SYT1: variants seen among roughly 807,000 people sequenced by gnomAD.
The protein encoded by SYT1 is synaptotagmin-1.
SYT1 carries 8 observed loss-of-function variants against 44.8 expected under a neutral mutation model. That is an observed-to-expected ratio of 0.18 (90% CI 0.10 to 0.32). The LOEUF (loss-of-function observed/expected upper bound fraction) is 0.32. SYT1 is among the 10% of genes least tolerant of loss of function. The probability of loss-of-function intolerance (pLI) is 1.00; values close to 1 mark genes in which losing one functional copy is unlikely to be tolerated. For missense variants in SYT1, 286 were observed against 509.3 expected (o/e 0.56, Z 4.22); for synonymous variants, 154 against 188.8 (o/e 0.82, Z 1.51).
At chr12:78,946,689 T>A (rs1197043363) in intron 1 of SYT1, among the ~76,000 whole-genome samples, 2 of 150,550 alleles carry the variant, frequency 1.3e-5, no homozygotes, top group African/African-American at 4.9e-5. Flanking sequence ...AGTAAGACTC[T>A]GTCAAAAAAA....
chr12:78,907,622 T>C (rs1405539710), intron 1 of SYT1, among the ~76,000 whole-genome samples: 2 of 152,036 alleles, frequency 1.3e-5, no homozygotes, highest in Non-Finnish European at 2.9e-5. Flanking sequence ...CACTAAATTC[T>C]TCTCTTATGT....
In SYT1 at chr12:79,094,978, G is replaced by A. The variant is rs1878026358; in HGVS notation, c.-18+47616G>A. Reference sequence around the variant, plus strand: ...GAAAAGCTTTGCTTGCCAAAAATGGGGTACAACCCATATTTCTGTCCAGCC... The same window carrying A: ...GAAAAGCTTTGCTTGCCAAAAATGGAGTACAACCCATATTTCTGTCCAGCC... On this transcript the variant is annotated intron_variant, in intron 3 of 10. Coordinates refer to ENST00000261205, the MANE Select transcript of SYT1 (RefSeq NM_005639.3). Among the ~76,000 whole-genome samples, 3 of 151,832 alleles carry A rather than the reference G, an allele frequency of 2.0e-5. No individual in the cohort carries two copies. In the South Asian group the frequency reaches 6.2e-4, roughly 31 times the overall value.
At chr12:79,071,764 T>A (rs12818245) in intron 3 of SYT1, among the ~76,000 whole-genome samples, 1 of 152,150 alleles carries the variant, frequency 6.6e-6, no homozygotes, top group Non-Finnish European at 1.5e-5. Context: ...TCCCTCATTG[T>A]CTTTGTCTCT....
At chr12:79,154,468 C>T (rs1260021651) in intron 3 of SYT1, among the ~76,000 whole-genome samples, 1 of 151,098 alleles carries the variant, frequency 6.6e-6, no homozygotes, top group Non-Finnish European at 1.5e-5. Flanking sequence ...TTGACAAGGT[C>T]ATACAGCTTG....
At chr12:78,954,117 A>ATT (rs1879100994) in intron 1 of SYT1, among the ~76,000 whole-genome samples, 2 of 152,084 alleles carry the variant, frequency 1.3e-5, no homozygotes, top group Non-Finnish European at 2.9e-5. Context: ...CTCCAATTAG[A>ATT]TCATGTCATC....
chr12:79,327,005 A>T (rs1881637024), intron 8 of SYT1, among the ~76,000 whole-genome samples: 1 of 152,256 alleles, frequency 6.6e-6, no homozygotes, highest in Non-Finnish European at 1.5e-5. Flanking sequence ...GATTACTGCA[A>T]TCAGAAATCA....
At chr12:79,394,351 GA>G (rs1176884146) in intron 9 of SYT1, among the ~76,000 whole-genome samples, 7 of 152,090 alleles carry the variant, frequency 4.6e-5, no homozygotes, top group African/African-American at 1.7e-4. Flanking sequence ...AGAAAAAATT[GA>G]AAACAGTAAA....
chr12:78,911,594 A>C (rs994987520), intron 1 of SYT1, among the ~76,000 whole-genome samples: 2 of 151,926 alleles, frequency 1.3e-5, no homozygotes, highest in Non-Finnish European at 1.5e-5. Flanking sequence ...CTTTGAGATC[A>C]CCTAAAAACT....
chr12:78,897,451 A>T (rs116868958), intron 1 of SYT1, among the ~76,000 whole-genome samples: 3 of 152,026 alleles, frequency 2.0e-5, no homozygotes, highest in Non-Finnish European at 4.4e-5. Flanking sequence ...TACTGTCCAA[A>T]CCTAAAAGTG....
At chr12:79,343,654 C>G (rs1721503049) in intron 8 of SYT1, among the ~76,000 whole-genome samples, 1 of 152,124 alleles carries the variant, frequency 6.6e-6, no homozygotes, top group Admixed American at 6.5e-5. Flanking sequence ...GTTATTTTGT[C>G]TTTTGTCAGT....
intron 1 of SYT1, among the ~76,000 whole-genome samples, chr12:78,966,001 C>T (rs913183397): frequency 1.9e-4 from 28 of 150,772 alleles, no homozygotes; most frequent in Non-Finnish European, 3.5e-4. Context: ...CGCTTGAACC[C>T]GGGCGGCAAA....
chr12:78,890,180 A>G (rs1874972510), intron 1 of SYT1, among the ~76,000 whole-genome samples: 1 of 151,944 alleles, frequency 6.6e-6, no homozygotes, highest in South Asian at 2.1e-4. Context: ...ACTTGCCTTG[A>G]AAGCATTTCA....
At chr12:79,259,674 G>T (rs1295116096) in intron 4 of SYT1, among the ~76,000 whole-genome samples, 1 of 152,196 alleles carries the variant, frequency 6.6e-6, no homozygotes, top group East Asian at 1.9e-4. Flanking sequence ...GTAGGGGCTA[G>T]AGTGAGCTAT....
At chr12:78,961,386 G>T (rs959528175) in intron 1 of SYT1, among the ~76,000 whole-genome samples, 7 of 152,064 alleles carry the variant, frequency 4.6e-5, no homozygotes, top group Non-Finnish European at 7.3e-5. Flanking sequence ...TGGGACTACA[G>T]GTACCAGCCA....
At chr12:79,061,929 T>C (rs993006396) in intron 3 of SYT1, among the ~76,000 whole-genome samples, 1 of 152,144 alleles carries the variant, frequency 6.6e-6, no homozygotes, top group Non-Finnish European at 1.5e-5. Flanking sequence ...AATCTACCAT[T>C]CTGTAGAAGC....
intron 4 of SYT1, among the ~76,000 whole-genome samples, chr12:79,258,147 A>C (rs1356569524): frequency 6.6e-6 from 1 of 152,234 alleles, no homozygotes. Context: ...AGTCAGCTAA[A>C]GTACACCTTT....
At chr12:78,991,391 T>C (rs1869999785) in intron 2 of SYT1, among the ~76,000 whole-genome samples, 1 of 152,034 alleles carries the variant, frequency 6.6e-6, no homozygotes, top group South Asian at 2.1e-4. Flanking sequence ...TCTTAGAAAA[T>C]TTGTAATAAA....
At chr12:79,044,679 G>A (rs1196816726) in intron 2 of SYT1, among the ~76,000 whole-genome samples, 4 of 150,418 alleles carry the variant, frequency 2.7e-5, no homozygotes, top group East Asian at 2.0e-4. Context: ...GAGGAACTGC[G>A]TTCCTTTGGA....
chr12:79,065,287 A>G (rs1769352842), intron 3 of SYT1, among the ~76,000 whole-genome samples: 1 of 152,144 alleles, frequency 6.6e-6, no homozygotes, highest in Admixed American at 6.5e-5. Context: ...GGGAAGCTGA[A>G]GTGGGAGGGT....
Sources: gnomAD v4.1 joint callset for allele counts (sites outside exome capture counted in the v4.1 genomes callset) on GRCh38, gnomAD v4.1.1 for gene constraint, MANE v1.5 for transcripts, NCBI Gene and HGNC (gene_info 2026-07-23, HGNC 2026-07-21) for gene names.